The following SCO1 variants were observed in gnomAD, a reference collection of about 807,000 sequenced individuals.
SCO1 encodes cytochrome c oxidase assembly factor SCO1.
Under a neutral mutation model 34.0 loss-of-function variants are expected in SCO1, and 23 were observed. The observed-to-expected ratio is 0.68, with a 90% CI of 0.49 to 0.96. The LOEUF (loss-of-function observed/expected upper bound fraction) is 0.96. SCO1 is among the 40% of genes least tolerant of loss of function. The pLI, the probability that SCO1 is intolerant of heterozygous loss-of-function variation, is 0.00. For synonymous variants in SCO1, 161 were observed against 145.5 expected, an observed-to-expected ratio of 1.11 and a Z score of -0.77; for missense variants, 404 against 381.6, an observed-to-expected ratio of 1.06 and a Z score of -0.49.
intron 2 of SCO1, 101 bp downstream of exon 2, chr17:10,695,639 TA>T (rs2074716600): frequency 2.3e-6 from 2 of 855,134 alleles, no homozygotes; most frequent in Non-Finnish European, 1.9e-6. Context: ...TTGGTAAATC[TA>T]AAGTTGTTTC....
intron 4 of SCO1, among the ~76,000 whole-genome samples, chr17:10,689,894 G>A (rs1008868826): frequency 6.6e-6 from 1 of 152,032 alleles, no homozygotes. Flanking sequence ...ATAGAGGACC[G>A]AGAAATTAAG....
At chr17:10,689,593 A>G (rs1057110849) in intron 4 of SCO1, among the ~76,000 whole-genome samples, 5 of 152,202 alleles carry the variant, frequency 3.3e-5, no homozygotes, top group Admixed American at 3.3e-4. Flanking sequence ...TCCACTCTCA[A>G]TTCTACTATA....
chr17:10,689,296 T>C (rs1163759326), intron 4 of SCO1, among the ~76,000 whole-genome samples: 1 of 152,174 alleles, frequency 6.6e-6, no homozygotes, highest in Non-Finnish European at 1.5e-5. Flanking sequence ...ATCTATACTT[T>C]ATTGCATGTC....
intron 5 of SCO1, 119 bp from the exon 6 acceptor site, chr17:10,681,372 T>A: frequency 9.0e-7 from 1 of 1,111,792 alleles, no homozygotes. Context: ...CTTTACAGCA[T>A]CTATTATTTA....
chr17:10,696,951 A>ATT (rs1726951933), intron 1 of SCO1, among the ~76,000 whole-genome samples: 1 of 110,576 alleles, frequency 9.0e-6, no homozygotes, highest in Non-Finnish European at 1.8e-5. Context: ...CCTGAAACTT[A>ATT]ATTTTTTTTT....
At chr17:10,697,120 A>C in intron 1 of SCO1, 115 bp downstream of exon 1, 1 of 1,044,748 alleles carries the variant, frequency 9.6e-7, no homozygotes, top group East Asian at 2.6e-5. Context: ...GCGCAAGCTA[A>C]GGACAACTTT....
At position 10,676,779 on chromosome 17, in the gene SCO1, A is replaced by G. The variant is rs1041246254; in HGVS notation, c.*4340T>C. 1 of 152,164 alleles carries G rather than the reference A, an allele frequency of 6.6e-6. No individual in the cohort carries two copies. The highest frequency in any genetic ancestry group is 1.5e-5 in the Non-Finnish European group (1 of 68,036). The allele number at this position is 152,164 out of a possible 1,614,324, so 9.4% of individuals were successfully genotyped here. On this transcript the variant is annotated 3_prime_UTR_variant, in exon 6 of 6. Coordinates refer to ENST00000255390, the MANE Select transcript of SCO1 (RefSeq NM_004589.4). ...CAGTGATTGAAAATTTTCTTCCTTC[A>G]ACTTTTCTGTATGCCAAACTTTCTT...
At chr17:10,682,940 A>C (rs1229991735) in intron 5 of SCO1, among the ~76,000 whole-genome samples, 1 of 152,256 alleles carries the variant, frequency 6.6e-6, no homozygotes, top group African/African-American at 2.4e-5. Context: ...TTCAAAGTCC[A>C]CAAACTTTTA....
rs566266002 is a variant in SCO1 at position 10,695,876 on chromosome 17, A to C, written c.274-45T>G. On this transcript the variant is annotated intron_variant, in intron 1 of 5. Coordinates refer to ENST00000255390, the MANE Select transcript of SCO1 (RefSeq NM_004589.4). ...AAACATAAAAATTCTAGTAAGATGC[A>C]AACATTTAACCATACAAACTTATTA... 2.9e-5 allele frequency: 41 copies of C among 1,394,168 alleles called. No homozygotes were observed. In the African/African-American group the frequency reaches 5.8e-4, roughly 20 times the overall value. 86.4% of individuals were successfully genotyped at this position (1,394,168 alleles called of 1,614,324 possible).
intron 1 of SCO1, among the ~76,000 whole-genome samples, chr17:10,696,507 T>G (rs1264554169): frequency 6.6e-6 from 1 of 152,218 alleles, no homozygotes. Flanking sequence ...ATGCTGATAC[T>G]GAGATAAATA....
intron 5 of SCO1, among the ~76,000 whole-genome samples, chr17:10,686,069 C>G (rs1216492616): frequency 6.6e-6 from 1 of 152,052 alleles, no homozygotes; most frequent in Non-Finnish European, 1.5e-5. Context: ...TGGCAAAACT[C>G]CTTCTCTACT....
chr17:10,694,668 T>C (rs2074711080), intron 2 of SCO1, among the ~76,000 whole-genome samples: 1 of 152,226 alleles, frequency 6.6e-6, no homozygotes, highest in African/African-American at 2.4e-5. Context: ...TAATACATTT[T>C]TTAAATAAAA....
At chr17:10,692,697 A>G (rs2074696996) in intron 3 of SCO1, 67 bp downstream of exon 3, 1 of 1,267,238 alleles carries the variant, frequency 7.9e-7, no homozygotes, top group Non-Finnish European at 1.2e-6. Flanking sequence ...CAATAATACA[A>G]GGGTGTGAAA....
Position 10,676,106 on chromosome 17 carries a change from T to A in SCO1, c.*5013A>T, listed in dbSNP as rs569617537. The stretch of plus-strand genomic sequence containing the variant: ...TGGTTGTTTTTTTCTTTCTTTCTTT[T>A]TTGTTTTTTGAGACAACTCTTGTTG... On this transcript the variant is annotated 3_prime_UTR_variant, in exon 6 of 6. Coordinates refer to ENST00000255390, the MANE Select transcript of SCO1 (RefSeq NM_004589.4). The A allele has an allele frequency of 2.0e-5, 3 of 152,158 alleles. No homozygotes were observed. Among genetic ancestry groups the A allele is most frequent in the Non-Finnish European group, 4.4e-5 (3 of 68,006 alleles). The allele number at this position is 152,158 out of a possible 1,614,324, so 9.4% of individuals were successfully genotyped here. A position where few individuals can be genotyped will look rare whatever the true frequency, so the allele number is the denominator to read the frequency against.
intron 1 of SCO1, 106 bp downstream of exon 1, chr17:10,697,129 T>G: frequency 2.7e-6 from 3 of 1,111,914 alleles, no homozygotes; most frequent in Non-Finnish European, 3.7e-6. Context: ...AAGGACAACT[T>G]TAGGGGAGGC....
rs879092891 is a variant in SCO1 at position 10,695,612 on chromosome 17, G to A, written c.364+129C>T. ...TGGGTGAAAGGTATGTAGAACCTAT[G>A]CTATCTTTGCAATTTTTTGGTAAAT... On this transcript the variant is annotated intron_variant, in intron 2 of 5. Transcript: ENST00000255390. 60 of 675,092 alleles carry A rather than the reference G, an allele frequency of 8.9e-5. 1 individual carries two copies. In the South Asian group the frequency reaches 9.4e-4, roughly 11 times the overall value. 41.8% of individuals were successfully genotyped at this position (675,092 alleles called of 1,614,324 possible). A position where few individuals can be genotyped will look rare whatever the true frequency, so the allele number is the denominator to read the frequency against.
rs1242443580 is a variant in SCO1, at chr17:10,681,078, C to G, written c.*41G>C. 3 of 1,613,386 alleles carry G rather than the reference C, an allele frequency of 1.9e-6. No individual in the cohort carries two copies. Among genetic ancestry groups the G allele is most frequent in the South Asian group, 2.2e-5 (2 of 91,066 alleles). ...GCTCCTATGCGAGACAGTTTCCTTC[C>G]TCTTAGCAAGAGAATACTGCATCCA... On this transcript the variant is annotated 3_prime_UTR_variant, in exon 6 of 6. Coordinates refer to ENST00000255390, the MANE Select transcript of SCO1 (RefSeq NM_004589.4).
chr17:10,682,093 T>C (rs916200574), intron 5 of SCO1, among the ~76,000 whole-genome samples: 1 of 152,166 alleles, frequency 6.6e-6, no homozygotes, highest in Non-Finnish European at 1.5e-5. Flanking sequence ...CTTAGATTAG[T>C]CATCAGATTT....
chr17:10,693,369 T>C (rs1401072195), intron 2 of SCO1, among the ~76,000 whole-genome samples: 3 of 151,992 alleles, frequency 2.0e-5, no homozygotes, highest in East Asian at 1.9e-4. Context: ...GGGGAGGTGA[T>C]AGTGGTGACG....
Sources: gnomAD v4.1 joint callset for allele counts (sites outside exome capture counted in the v4.1 genomes callset) on GRCh38, gnomAD v4.1.1 for gene constraint, MANE v1.5 for transcripts, NCBI Gene and HGNC (gene_info 2026-07-23, HGNC 2026-07-21) for gene names.